The following MAP3K8 variants were observed in gnomAD, a reference collection of about 807,000 sequenced individuals.
The protein encoded by MAP3K8 is mitogen-activated protein kinase kinase kinase 8, also known as Ewing sarcoma transformant.
A neutral mutation model predicts 45.8 loss-of-function variants in MAP3K8; 22 were observed. The observed-to-expected ratio is 0.48, with a 90% CI of 0.34 to 0.69. The LOEUF is 0.69. Ranked by LOEUF, MAP3K8 falls within the 30% of genes least tolerant of loss-of-function variation. The pLI, the probability that MAP3K8 is intolerant of heterozygous loss-of-function variation, is 0.01. For synonymous variants in MAP3K8, 223 were observed against 214.3 expected, an observed-to-expected ratio of 1.04 and a Z score of -0.36; for missense variants, 419 against 585.0, an observed-to-expected ratio of 0.72 and a Z score of 2.93.
chr10:30,455,196 G>T lies in MAP3K8; in HGVS notation c.874-2888G>T, dbSNP rs1274807125. Among the ~76,000 whole-genome samples, 3 of 152,298 alleles carry T rather than the reference G, an allele frequency of 2.0e-5. No homozygotes were observed. In the East Asian group the frequency reaches 5.8e-4, roughly 29 times the overall value. Reference sequence around the variant, plus strand: ...ATATAAACTCTCTTCTAATCAGCCTGCATTTAATATCTGCCTAGTACACAC... The same window carrying T: ...ATATAAACTCTCTTCTAATCAGCCTTCATTTAATATCTGCCTAGTACACAC... On this transcript the variant is annotated intron_variant, in intron 6 of 8. Transcript: ENST00000263056.
intron 1 of MAP3K8, among the ~76,000 whole-genome samples, chr10:30,435,204 C>T (rs1437363569): frequency 2.0e-5 from 3 of 152,268 alleles, no homozygotes; most frequent in South Asian, 2.1e-4. Context: ...AAAGGCTGCT[C>T]TTGATAAAAA....
At chr10:30,460,586 C>T in intron 8 of MAP3K8, 120 bp from the exon 9 acceptor site, 1 of 768,234 alleles carries the variant, frequency 1.3e-6, no homozygotes, top group Non-Finnish European at 2.0e-6. Flanking sequence ...AAAGACCCAT[C>T]TTTCACGCTT....
intron 3 of MAP3K8, among the ~76,000 whole-genome samples, chr10:30,440,802 A>T (rs577951837): frequency 9.8e-4 from 149 of 152,186 alleles, no homozygotes; most frequent in African/African-American, 3.4e-3. Flanking sequence ...TGGGAATTAA[A>T]TTTTTTTTAA....
Position 30,439,182 on chromosome 10 carries a change from G to A in MAP3K8, c.244G>A (p.Glu82Lys), listed in dbSNP as rs1400005181. The A allele has an allele frequency of 1.2e-6, 2 of 1,614,212 alleles. No individual in the cohort carries two copies. ...GTCATCAGTCAGATATGGAACTGTG[G>A]AGGATTTGCTTGCTTTTGCAAACCA... ...WLSSVRYGTV[E>K]DLLAFANHIS... The change falls in exon 3 of 9, where the codon GAG (glutamate) becomes AAG (lysine). Residue 82 changes from glutamate (E) to lysine (K), a missense_variant. This residue lies in a region of MAP3K8 where 209 missense variants were observed against 367.3 expected (regional missense o/e 0.57). Coordinates refer to ENST00000263056, the MANE Select transcript of MAP3K8 (RefSeq NM_005204.4).
At chr10:30,441,160 CTTTT>C (rs11331000) in intron 3 of MAP3K8, among the ~76,000 whole-genome samples, 10 of 144,350 alleles carry the variant, frequency 6.9e-5, no homozygotes, top group African/African-American at 2.5e-4. Flanking sequence ...AAGGAGAATT[CTTTT>C]TTTTTTTTTT....
rs760722515 is a variant in MAP3K8, at chr10:30,458,230, G to T, written c.1020G>T (p.Leu340=). ...RYPRSAYPSY[L]YIIHKQAPPL... The stretch of plus-strand genomic sequence containing the variant: ...CTCGCTCAGCCTATCCCTCCTACCT[G>T]TACATAGTAAGTGGGGTTCAACCAG... The change falls in exon 7 of 9, where the codon CTG becomes CTT. Residue 340 remains leucine, a synonymous_variant. Coordinates refer to ENST00000263056, the MANE Select transcript of MAP3K8 (RefSeq NM_005204.4). The T allele has an allele frequency of 2.5e-6, 3 of 1,183,098 alleles. No homozygotes were observed. Among genetic ancestry groups the T allele is most frequent in the Admixed American group, 5.0e-5 (2 of 39,752 alleles). The allele number at this position is 1,183,098 out of a possible 1,614,324, so 73.3% of individuals were successfully genotyped here.
chr10:30,442,489 C>G (rs1260697303), intron 3 of MAP3K8, among the ~76,000 whole-genome samples: 1 of 152,138 alleles, frequency 6.6e-6, no homozygotes, highest in Non-Finnish European at 1.5e-5. Context: ...GGTAGAGAAC[C>G]AGGAATTACA....
chr10:30,436,411 C>T (rs1438867897), intron 1 of MAP3K8, among the ~76,000 whole-genome samples: 3 of 152,202 alleles, frequency 2.0e-5, no homozygotes, highest in African/African-American at 7.2e-5. Context: ...GGAATTACTG[C>T]AGGCACTGAG....
chr10:30,438,498 C>T (rs8176965), intron 2 of MAP3K8, among the ~76,000 whole-genome samples: 1,930 of 152,250 alleles, frequency 0.013, 14 homozygotes, highest in Non-Finnish European at 0.02. Context: ...AAAGCCATAG[C>T]GATTCTTGCA....
chr10:30,436,612 T>C (rs1241685559), intron 1 of MAP3K8, among the ~76,000 whole-genome samples: 2 of 151,782 alleles, frequency 1.3e-5, no homozygotes, highest in Non-Finnish European at 2.9e-5. Context: ...TTAGGATTTG[T>C]CTTTTAGAAT....
upstream of MAP3K8, chr10:30,434,036 A>T (rs890698453): frequency 1.3e-5 from 2 of 152,760 alleles, no homozygotes; most frequent in African/African-American, 4.8e-5. Context: ...GCAACCGGGC[A>T]GTCTCTTTCT....
In MAP3K8 at chr10:30,460,983, CG is replaced by C. The variant is rs759723124; in HGVS notation, c.*149del. 1.5e-5 allele frequency: 14 copies of C among 926,566 alleles called. No homozygotes were observed. Among genetic ancestry groups the C allele is most frequent in the Admixed American group, 2.8e-5 (1 of 35,932 alleles). The allele number at this position is 926,566 out of a possible 1,614,324, so 57.4% of individuals were successfully genotyped here. A position where few individuals can be genotyped will look rare whatever the true frequency, so the allele number is the denominator to read the frequency against. On this transcript the variant is annotated 3_prime_UTR_variant, in exon 9 of 9. Coordinates refer to ENST00000263056, the MANE Select transcript of MAP3K8 (RefSeq NM_005204.4). Reference sequence around the variant, plus strand: ...TGTGACCCGTGAATGTGCCTCCAAGCGGCCCTGTGTGTTTGACATGTGAAGC... The same window carrying C: ...TGTGACCCGTGAATGTGCCTCCAAGCGCCCTGTGTGTTTGACATGTGAAGC...
At chr10:30,434,748 G>A (rs1281023267) in intron 1 of MAP3K8, 2 of 985,402 alleles carry the variant, frequency 2.0e-6, no homozygotes, top group African/African-American at 1.7e-5. Context: ...CCCGAGACCC[G>A]GTGAGTGCAG....
At chr10:30,452,222 C>A (rs1836565181) in intron 6 of MAP3K8, among the ~76,000 whole-genome samples, 2 of 151,976 alleles carry the variant, frequency 1.3e-5, no homozygotes, top group Non-Finnish European at 2.9e-5. Flanking sequence ...GTCATCCCAG[C>A]ACTTTGGGAG....
chr10:30,446,680 C>T (rs1751648), intron 3 of MAP3K8, among the ~76,000 whole-genome samples: 99,763 of 152,040 alleles, frequency 0.66, 33,748 homozygotes, highest in African/African-American at 0.81. Context: ...GTTACAGGCA[C>T]GCGTTCCAGA....
At chr10:30,452,221 G>A (rs1836565062) in intron 6 of MAP3K8, among the ~76,000 whole-genome samples, 3 of 152,030 alleles carry the variant, frequency 2.0e-5, no homozygotes, top group Admixed American at 2.0e-4. Context: ...TGTCATCCCA[G>A]CACTTTGGGA....
Position 30,437,227 on chromosome 10 carries a change from TTTG to T in MAP3K8, c.-202_-200del. 1.0e-6 allele frequency: 1 copy of T among 985,326 alleles called. No individual in the cohort carries two copies. The highest frequency in any genetic ancestry group is 4.7e-5 in the South Asian group (1 of 21,270). The allele number at this position is 985,326 out of a possible 1,614,324, so 61.0% of individuals were successfully genotyped here. A position where few individuals can be genotyped will look rare whatever the true frequency, so the allele number is the denominator to read the frequency against. ...CAGGGGAATAGGTAGCCACATCTTG[TTTG>T]CAGATAAGAAAGGAAGCTAACGCAG... On this transcript the variant is annotated 5_prime_UTR_variant, in exon 2 of 9. Transcript: ENST00000263056.
intron 1 of MAP3K8, among the ~76,000 whole-genome samples, chr10:30,435,464 G>A (rs1483640480): frequency 1.3e-5 from 2 of 152,158 alleles, no homozygotes; most frequent in African/African-American, 2.4e-5. Context: ...CGCATAATCC[G>A]GGGCTTTTTG....
intron 1 of MAP3K8, among the ~76,000 whole-genome samples, chr10:30,436,892 CTGTT>C (rs1835930283): frequency 1.3e-5 from 2 of 151,074 alleles, no homozygotes; most frequent in East Asian, 3.9e-4. Flanking sequence ...CTAAATTAGG[CTGTT>C]TTTTTTTTAA....
Sources: gnomAD v4.1 joint callset for allele counts (sites outside exome capture counted in the v4.1 genomes callset) on GRCh38, gnomAD v4.1.1 for gene constraint, gnomAD v4.1.1 regional missense constraint, MANE v1.5 for transcripts, NCBI Gene and HGNC (gene_info 2026-07-23, HGNC 2026-07-21) for gene names.